The following ATP6V0D1 variants were observed in gnomAD, a reference collection of about 807,000 sequenced individuals.
ATP6V0D1 encodes V-type proton ATPase subunit d 1.
ATP6V0D1 carries 13 observed loss-of-function variants against 39.0 expected under a neutral mutation model. The ratio of observed to expected loss-of-function variants is 0.33; its 90% confidence interval spans 0.22 to 0.53. The LOEUF is 0.53. ATP6V0D1 is among the 20% of genes least tolerant of loss of function. ATP6V0D1 has a pLI of 0.94. For missense variants in ATP6V0D1, 272 were observed against 470.9 expected, an observed-to-expected ratio of 0.58 and a Z score of 3.91; for synonymous variants, 191 against 191.2, an observed-to-expected ratio of 1.00 and a Z score of 0.01.
In ATP6V0D1 at chr16:67,453,455, C is replaced by A; in HGVS notation, c.302+89G>T. On this transcript the variant is annotated intron_variant, in intron 2 of 7. Transcript: ENST00000290949. The surrounding 1 kb of genome is among the most constrained non-coding windows in gnomAD (Gnocchi z 4.1). ...CTGACAGCTGACACAGGCACGAAGG[C>A]AGCTAGCCTAAGCCACACTGAACCC... 1 of 1,496,226 alleles carries A rather than the reference C, an allele frequency of 6.7e-7. No homozygotes were observed. The highest frequency in any genetic ancestry group is 1.9e-4 in the Middle Eastern group (1 of 5,266). 92.7% of individuals were successfully genotyped at this position (1,496,226 alleles called of 1,614,324 possible).
At chr16:67,457,473 G>C in intron 1 of ATP6V0D1, 1 of 864,706 alleles carries the variant, frequency 1.2e-6, no homozygotes, top group Admixed American at 2.4e-5. Context: ...TTCAGTCCCA[G>C]ATGAGCTGGC....
At chr16:67,443,660 G>A (rs2041080778) in intron 3 of ATP6V0D1, among the ~76,000 whole-genome samples, 1 of 152,202 alleles carries the variant, frequency 6.6e-6, no homozygotes, top group Non-Finnish European at 1.5e-5. Context: ...GGCCACTGTG[G>A]GGTTGGAAAG....
intron 1 of ATP6V0D1, among the ~76,000 whole-genome samples, chr16:67,467,147 T>TG (rs1290574956): frequency 1.3e-5 from 2 of 151,188 alleles, no homozygotes; most frequent in Non-Finnish European, 2.9e-5. Context: ...TCCCTGGGGT[T>TG]GGGGGGTGGG....
chr16:67,440,216 G>A (rs1217270018), intron 4 of ATP6V0D1: 1 of 152,296 alleles, frequency 6.6e-6, no homozygotes. Context: ...CCTGCTGAGG[G>A]ATGGTTATTG....
rs377245328 is a variant in ATP6V0D1, at chr16:67,444,516, A to G, written c.481+12T>C. 11 of 1,584,988 alleles carry G rather than the reference A, an allele frequency of 6.9e-6. No homozygotes were observed. The African/African-American group carries it at 1.2e-4, about 17-fold the overall frequency. On this transcript the variant is annotated intron_variant, in intron 3 of 7. Coordinates refer to ENST00000290949, the MANE Select transcript of ATP6V0D1 (RefSeq NM_004691.5). This position sits in a 1 kb window ranked among gnomAD's most constrained non-coding sequence, Gnocchi z 4.8. ...CCACTGCCCACCTCCCATGACCACCACAGCGGCTCACCAAGAGGCGTGTCC... is the reference window on the plus strand; with the variant it reads ...CCACTGCCCACCTCCCATGACCACCGCAGCGGCTCACCAAGAGGCGTGTCC...
Position 67,453,826 on chromosome 16 carries a change from C to T in ATP6V0D1, c.131-111G>A, listed in dbSNP as rs778985414. ...CCAGCTCTCCCCTGCAGTTGTGTCC[C>T]GCTACTACCCTGATCTCCATCTCCC... On this transcript the variant is annotated intron_variant, in intron 1 of 7. Transcript: ENST00000290949. The surrounding 1 kb of genome is among the most constrained non-coding windows in gnomAD (Gnocchi z 4.1). 4.0e-5 allele frequency: 40 copies of T among 1,011,190 alleles called. No individual in the cohort carries two copies. Among genetic ancestry groups the T allele is most frequent in the Admixed American group, 6.4e-5 (3 of 46,762 alleles). The allele number at this position is 1,011,190 out of a possible 1,614,324, so 62.6% of individuals were successfully genotyped here. A position where few individuals can be genotyped will look rare whatever the true frequency, so the allele number is the denominator to read the frequency against.
intron 1 of ATP6V0D1, among the ~76,000 whole-genome samples, chr16:67,476,108 G>C (rs2041412628): frequency 1.3e-5 from 2 of 152,108 alleles, no homozygotes; most frequent in African/African-American, 4.8e-5. Context: ...TGTAGTCACA[G>C]CTACTCAGGA....
At chr16:67,443,017 C>T in intron 4 of ATP6V0D1, 82 bp downstream of exon 4, 2 of 1,444,402 alleles carry the variant, frequency 1.4e-6, no homozygotes, top group African/African-American at 1.4e-5. Flanking sequence ...GTCCCAGCAC[C>T]TCACATAAAT....
Position 67,438,678 on chromosome 16 carries a change from G to C in ATP6V0D1, c.906C>G (p.Asn302Lys). The change falls in exon 8 of 8, where the codon AAC (asparagine) becomes AAG (lysine). Residue 302 changes from asparagine (N) to lysine (K), a missense_variant. This residue lies in a region of ATP6V0D1 where 35 missense variants were observed against 84.6 expected (regional missense o/e 0.41). Transcript: ENST00000290949. ...DRFFEHEVKL[N>K]KLAFLNQFHF... ...GGAACTGGTTCAGGAAGGCCAACTT[G>C]TTCAGCTTTACCTGTGGACACGGGC... The C allele has an allele frequency of 6.2e-7, 1 of 1,614,260 alleles. No homozygotes were observed. Among genetic ancestry groups the C allele is most frequent in the Non-Finnish European group, 8.5e-7 (1 of 1,180,046 alleles).
In ATP6V0D1 at chr16:67,444,076, G is replaced by A. The variant is rs2041086531; in HGVS notation, c.481+452C>T. 6.6e-6 allele frequency among the ~76,000 whole-genome samples: 1 copy of A among 152,216 alleles called. No individual in the cohort carries two copies. Among genetic ancestry groups the A allele is most frequent in the Non-Finnish European group, 1.5e-5 (1 of 68,040 alleles). On this transcript the variant is annotated intron_variant, in intron 3 of 7. Transcript: ENST00000290949. The surrounding 1 kb of genome is among the most constrained non-coding windows in gnomAD (Gnocchi z 4.8). Reference sequence around the variant, plus strand: ...ATCCTGCTGGATGCTGTCTGACCTGGCCCAGGGGACCTGCTCGGTGGAGGG... The same window carrying A: ...ATCCTGCTGGATGCTGTCTGACCTGACCCAGGGGACCTGCTCGGTGGAGGG...
rs761753542 is a variant in ATP6V0D1, at chr16:67,439,002, T to G, written c.785A>C (p.Glu262Ala). 2.5e-6 allele frequency: 4 copies of G among 1,614,116 alleles called. No homozygotes were observed. Among genetic ancestry groups the G allele is most frequent in the Non-Finnish European group, 3.4e-6 (4 of 1,180,012 alleles). Residue 262 changes from glutamate to alanine, a missense_variant, in exon 6 of 8, where the codon GAA (glutamate) becomes GCA (alanine). By Grantham distance (107) the Glu-to-Ala change is moderately radical. Around this residue, in one of 4 missense-constraint regions of ATP6V0D1, gnomAD observed 135 missense variants for 273.8 expected, o/e 0.49. Transcript: ENST00000290949. The stretch of plus-strand genomic sequence containing the variant: ...GTAATCGGCCACGTTCTTGACCTGT[T>G]CATAGTCGTCAGCCCGAGCCAGCTG... Reference protein sequence around the residue: ...LAQLARADDYEQVKNVADYYP... With the variant: ...LAQLARADDYAQVKNVADYYP...
At chr16:67,477,819 C>G (rs1427609953) in intron 1 of ATP6V0D1, among the ~76,000 whole-genome samples, 1 of 152,052 alleles carries the variant, frequency 6.6e-6, no homozygotes, top group African/African-American at 2.4e-5. Context: ...ACTACAGGCA[C>G]CCGCCACCAC....
intron 1 of ATP6V0D1, among the ~76,000 whole-genome samples, chr16:67,472,893 C>G (rs1309845001): frequency 1.3e-5 from 2 of 152,076 alleles, no homozygotes; most frequent in Non-Finnish European, 2.9e-5. Context: ...TATTTCCAGG[C>G]AAGAGCATAC....
chr16:67,477,456 G>C (rs1444543501), intron 1 of ATP6V0D1, among the ~76,000 whole-genome samples: 1 of 152,096 alleles, frequency 6.6e-6, no homozygotes, highest in Non-Finnish European at 1.5e-5. Flanking sequence ...ACTTTTTTCA[G>C]AGATGCTGAA....
chr16:67,444,559 G>A lies in ATP6V0D1; in HGVS notation c.450C>T (p.Leu150=), dbSNP rs1241509005. The A allele has an allele frequency of 1.9e-6, 3 of 1,610,268 alleles. No homozygotes were observed. The highest frequency in any genetic ancestry group is 2.5e-6 in the Non-Finnish European group (3 of 1,177,280). ...AVNIAQTPAE[L]YNAILVDTPL... is the part of the protein sequence containing the mutation. ...GCGTGTCCACCAGAATGGCATTGTA[G>A]AGCTCAGCAGGTGTCTGAGCAATGT... The change falls in exon 3 of 8, where the codon CTC becomes CTT. Residue 150 remains leucine (L), a synonymous_variant. Transcript: ENST00000290949. This position sits in a 1 kb window ranked among gnomAD's most constrained non-coding sequence, Gnocchi z 4.8.
At chr16:67,442,912 A>G (rs1481961833) in intron 4 of ATP6V0D1, among the ~76,000 whole-genome samples, 187 bp downstream of exon 4, 1 of 152,140 alleles carries the variant, frequency 6.6e-6, no homozygotes, top group Admixed American at 6.5e-5. Flanking sequence ...GCACTATGGG[A>G]TGGAGAACCT....
chr16:67,442,451 CT>C (rs11320628), intron 4 of ATP6V0D1, among the ~76,000 whole-genome samples: 30,901 of 143,098 alleles, frequency 0.22, 6,794 homozygotes, highest in African/African-American at 0.57. Flanking sequence ...TGGTCTCGGG[CT>C]TTTTTTTTTT....
At position 67,444,111 on chromosome 16, in the gene ATP6V0D1, T is replaced by C. The variant is rs187575797; in HGVS notation, c.481+417A>G. On this transcript the variant is annotated intron_variant, in intron 3 of 7. Transcript: ENST00000290949. This position sits in a 1 kb window ranked among gnomAD's most constrained non-coding sequence, Gnocchi z 4.8. Reference sequence around the variant, plus strand: ...CCTGCTCGGTGGAGGGAAGTGGCAGTGTTTGCTTCGCTCCTTGCCTCACAG... The same window carrying C: ...CCTGCTCGGTGGAGGGAAGTGGCAGCGTTTGCTTCGCTCCTTGCCTCACAG... Among the ~76,000 whole-genome samples, 18 of 152,246 alleles carry C rather than the reference T, an allele frequency of 1.2e-4. No homozygotes were observed. The East Asian group carries it at 3.5e-3, about 29-fold the overall frequency.
chr16:67,438,459 ACGCACACACACG>A lies in ATP6V0D1; in HGVS notation c.*57_*68del, dbSNP rs1023638858. The stretch of plus-strand genomic sequence containing the variant: ...CTTGTCACAGACCACATACACACAC[ACGCACACACACG>A]CGCACACACACACACACACACACAA... On this transcript the variant is annotated 3_prime_UTR_variant, in exon 8 of 8. Transcript: ENST00000290949. The A allele has an allele frequency of 3.9e-6, 6 of 1,544,698 alleles. No homozygotes were observed. The African/African-American group carries it at 4.1e-5, about 11-fold the overall frequency.
Sources: gnomAD v4.1 joint callset for allele counts (sites outside exome capture counted in the v4.1 genomes callset) on GRCh38, gnomAD v4.1.1 for gene constraint, gnomAD v4.1.1 regional missense constraint, Gnocchi (gnomAD v3.1) non-coding constraint, MANE v1.5 for transcripts, NCBI Gene and HGNC (gene_info 2026-07-23, HGNC 2026-07-21) for gene names.